The following VPS13B variants were observed in gnomAD, a reference collection of about 807,000 sequenced individuals.
The protein encoded by VPS13B is intermembrane lipid transfer protein VPS13B.
VPS13B carries 285 observed loss-of-function variants against 426.4 expected under a neutral mutation model. The observed-to-expected ratio is 0.67, with a 90% CI of 0.61 to 0.74. The LOEUF is 0.74. Ranked by LOEUF, VPS13B falls within the 30% of genes least tolerant of loss-of-function variation. VPS13B has a pLI of 0.00. For missense variants in VPS13B, 4,537 were observed against 4,782.6 expected (o/e 0.95, Z 1.51); for synonymous variants, 1,676 against 1,676.4 (o/e 1.00, Z 0.01).
At chr8:99,102,235 C>T (rs1223723366) in intron 4 of VPS13B, among the ~76,000 whole-genome samples, 3 of 152,040 alleles carry the variant, frequency 2.0e-5, no homozygotes, top group African/African-American at 7.2e-5. Context: ...TTTCCTATTT[C>T]CCTGTGTTCT....
intron 39 of VPS13B, among the ~76,000 whole-genome samples, chr8:99,726,466 A>G (rs952188941): frequency 1.3e-5 from 2 of 152,216 alleles, no homozygotes; most frequent in Admixed American, 6.5e-5. Flanking sequence ...TTGGAAATGC[A>G]TATGTTCCCA....
intron 22 of VPS13B, among the ~76,000 whole-genome samples, chr8:99,432,900 C>A (rs1483730689): frequency 6.6e-6 from 1 of 152,102 alleles, no homozygotes; most frequent in Non-Finnish European, 1.5e-5. Flanking sequence ...GCAAAAGTTA[C>A]CATACTGTAT....
intron 33 of VPS13B, among the ~76,000 whole-genome samples, chr8:99,605,862 G>A (rs1827542949): frequency 1.3e-5 from 2 of 152,044 alleles, no homozygotes; most frequent in Admixed American, 6.6e-5. Flanking sequence ...CAAGTAAGAG[G>A]CCTTGGAGCT....
At chr8:99,549,996 G>A (rs986027845) in intron 30 of VPS13B, among the ~76,000 whole-genome samples, 1 of 151,970 alleles carries the variant, frequency 6.6e-6, no homozygotes, top group Non-Finnish European at 1.5e-5. Flanking sequence ...TAACCTTTTG[G>A]AGTATTAAGT....
At chr8:99,576,568 G>A (rs971158290) in intron 32 of VPS13B, among the ~76,000 whole-genome samples, 1 of 152,010 alleles carries the variant, frequency 6.6e-6, no homozygotes, top group Non-Finnish European at 1.5e-5. Context: ...GCTCTAAGCT[G>A]TCTCATTTGC....
At chr8:99,135,236 T>A (rs1256080076) in intron 10 of VPS13B, 99 bp downstream of exon 10, 1 of 1,499,974 alleles carries the variant, frequency 6.7e-7, no homozygotes, top group African/African-American at 1.4e-5. Flanking sequence ...ACTATATATA[T>A]CTCAGGCTTG....
chr8:99,364,415 T>C (rs1180287211), intron 19 of VPS13B, among the ~76,000 whole-genome samples: 2 of 152,230 alleles, frequency 1.3e-5, no homozygotes, highest in South Asian at 2.1e-4. Context: ...ATTATAGATA[T>C]TGTCCCGTAG....
intron 19 of VPS13B, among the ~76,000 whole-genome samples, chr8:99,376,990 T>C (rs2133276467): frequency 6.6e-6 from 1 of 152,198 alleles, no homozygotes; most frequent in East Asian, 1.9e-4. Context: ...TATGTAAGTA[T>C]TGAATTAAAA....
At chr8:99,874,569 A>G (rs879435665) in intron 61 of VPS13B, among the ~76,000 whole-genome samples, 5 of 152,086 alleles carry the variant, frequency 3.3e-5, no homozygotes, top group Non-Finnish European at 7.4e-5. Flanking sequence ...AAAACCACGG[A>G]AAGTTTGGTG....
intron 3 of VPS13B, among the ~76,000 whole-genome samples, chr8:99,054,685 A>C (rs1031970241): frequency 3.3e-5 from 5 of 152,156 alleles, no homozygotes; most frequent in African/African-American, 9.7e-5. Context: ...AGAGTTTTAA[A>C]GTTTTAGCTC....
At chr8:99,560,420 A>T (rs763367436) in intron 31 of VPS13B, among the ~76,000 whole-genome samples, 3 of 152,170 alleles carry the variant, frequency 2.0e-5, no homozygotes, top group Non-Finnish European at 4.4e-5. Context: ...TGCTCCTATC[A>T]CATCACTTAA....
intron 19 of VPS13B, among the ~76,000 whole-genome samples, chr8:99,368,250 T>G (rs2133254658): frequency 6.6e-6 from 1 of 152,312 alleles, no homozygotes; most frequent in South Asian, 2.1e-4. Context: ...CCTTTTCAGG[T>G]TTCTCTTATA....
intron 51 of VPS13B, among the ~76,000 whole-genome samples, chr8:99,824,571 CCATTA>C (rs1814560702): frequency 6.7e-6 from 1 of 149,730 alleles, no homozygotes; most frequent in Non-Finnish European, 1.5e-5. Flanking sequence ...TTTTTTCTCT[CCATTA>C]CATCTTAGAT....
intron 23 of VPS13B, among the ~76,000 whole-genome samples, chr8:99,460,970 A>C (rs973928483): frequency 6.6e-6 from 1 of 152,184 alleles, no homozygotes; most frequent in Non-Finnish European, 1.5e-5. Context: ...TCAAGCATAA[A>C]TGCTTTTCTC....
chr8:99,575,595 A>G, intron 31 of VPS13B, 63 bp from the exon 32 acceptor site: 1 of 1,602,750 alleles, frequency 6.2e-7, no homozygotes, highest in Non-Finnish European at 8.5e-7. Flanking sequence ...ACTTGTACAA[A>G]TTTAATGAAA....
At chr8:99,255,039 T>C (rs981839821) in intron 17 of VPS13B, among the ~76,000 whole-genome samples, 113 of 152,296 alleles carry the variant, frequency 7.4e-4, no homozygotes, top group African/African-American at 2.6e-3. Flanking sequence ...TAAGACTCTT[T>C]TCTCTTTTTT....
At chr8:99,187,822 G>T (rs1025290216) in intron 16 of VPS13B, among the ~76,000 whole-genome samples, 2 of 151,952 alleles carry the variant, frequency 1.3e-5, no homozygotes, top group Non-Finnish European at 2.9e-5. Flanking sequence ...ATAAAAATTA[G>T]CCGGGCATGC....
At chr8:99,781,251 C>T (rs983862282) in intron 42 of VPS13B, among the ~76,000 whole-genome samples, 1 of 152,126 alleles carries the variant, frequency 6.6e-6, no homozygotes, top group Non-Finnish European at 1.5e-5. Flanking sequence ...TCCAAAATGC[C>T]ATTTGCAATT....
intron 43 of VPS13B, among the ~76,000 whole-genome samples, chr8:99,791,303 A>G (rs891148732): frequency 6.6e-6 from 1 of 152,110 alleles, no homozygotes; most frequent in African/African-American, 2.4e-5. Flanking sequence ...CAGGCTACCA[A>G]TGGGTTGACC....
Sources: gnomAD v4.1 joint callset for allele counts (sites outside exome capture counted in the v4.1 genomes callset) on GRCh38, gnomAD v4.1.1 for gene constraint, MANE v1.5 for transcripts, NCBI Gene and HGNC (gene_info 2026-07-23, HGNC 2026-07-21) for gene names.